The following NXPE3 variants were observed in gnomAD, a reference collection of about 807,000 sequenced individuals.
NXPE3 encodes the protein neurexophilin and PC-esterase domain family member 3.
A neutral mutation model predicts 46.1 loss-of-function variants in NXPE3; 26 were observed. The observed-to-expected ratio is 0.56, with a 90% CI of 0.41 to 0.78. NXPE3 has a LOEUF of 0.78. NXPE3 is among the 30% of genes least tolerant of loss of function. The pLI, the probability that NXPE3 is intolerant of heterozygous loss-of-function variation, is 0.00. For missense variants in NXPE3, 620 were observed against 686.0 expected (o/e 0.90, Z 1.07); for synonymous variants, 272 against 257.9 (o/e 1.05, Z -0.52).
rs773432250 is a variant in NXPE3, at chr3:101,821,998, T to C, written c.*44T>C. 6.4e-7 allele frequency: 1 copy of C among 1,556,440 alleles called. No homozygotes were observed. The highest frequency in any genetic ancestry group is 8.8e-7 in the Non-Finnish European group (1 of 1,138,814). On this transcript the variant is annotated 3_prime_UTR_variant, in exon 8 of 8. Coordinates refer to ENST00000273347, the MANE Select transcript of NXPE3 (RefSeq NM_145037.4). Reference sequence around the variant, plus strand: ...GGAGGAATCATATTCAATGACCTTCTCAATTGACCTGAGTTACAGAAAGTG... The same window carrying C: ...GGAGGAATCATATTCAATGACCTTCCCAATTGACCTGAGTTACAGAAAGTG...
At chr3:101,800,870 T>C (rs1032016031) in intron 4 of NXPE3, among the ~76,000 whole-genome samples, 1 of 152,208 alleles carries the variant, frequency 6.6e-6, no homozygotes, top group South Asian at 2.1e-4. Flanking sequence ...CCTTTACTTT[T>C]TTCTTGGTGT....
Position 101,804,867 on chromosome 3 carries a change from CT to C in NXPE3, c.849-2182del, listed in dbSNP as rs1162524077. On this transcript the variant is annotated intron_variant, in intron 5 of 7. Transcript: ENST00000273347. ...AGATCCTATTAATATAAGGGAAGGC[CT>C]TTTGAAAGAATGGGCTTATCACCTA... Among the ~76,000 whole-genome samples, 9 of 152,170 alleles carry C rather than the reference CT, an allele frequency of 5.9e-5. No homozygotes were observed. In the East Asian group the frequency reaches 1.7e-3, roughly 29 times the overall value.
chr3:101,808,394 T>A (rs901456092), intron 6 of NXPE3, among the ~76,000 whole-genome samples: 10 of 152,088 alleles, frequency 6.6e-5, no homozygotes, highest in Admixed American at 2.6e-4. Context: ...TGCAGGGGCT[T>A]GATATTTAAT....
In NXPE3 at chr3:101,821,975, A is replaced by G. The variant is rs774263330; in HGVS notation, c.*21A>G. 14 of 1,599,754 alleles carry G rather than the reference A, an allele frequency of 8.8e-6. 1 individual carries two copies. The highest frequency in any genetic ancestry group is 1.3e-5 in the African/African-American group (1 of 74,788). On this transcript the variant is annotated 3_prime_UTR_variant, in exon 8 of 8. Coordinates refer to ENST00000273347, the MANE Select transcript of NXPE3 (RefSeq NM_145037.4). ...CCTAGCCTGTCTTGGAAGGGACTGG[A>G]GGAATCATATTCAATGACCTTCTCA...
Position 101,825,557 on chromosome 3 carries a change from T to G in NXPE3, c.*3603T>G, listed in dbSNP as rs1167034228. ...CATCTGAATGCAATGAACATTAGCA[T>G]TTAGGTATATTTTCTTGCAGGTTTT... On this transcript the variant is annotated 3_prime_UTR_variant, in exon 8 of 8. Coordinates refer to ENST00000273347, the MANE Select transcript of NXPE3 (RefSeq NM_145037.4). The G allele has an allele frequency of 6.6e-6, 1 of 152,172 alleles. No individual in the cohort carries two copies. The highest frequency in any genetic ancestry group is 1.9e-4 in the East Asian group (1 of 5,202). The allele number at this position is 152,172 out of a possible 1,614,324, so 9.4% of individuals were successfully genotyped here.
chr3:101,809,732 A>G (rs1475661256), intron 6 of NXPE3, among the ~76,000 whole-genome samples: 1 of 152,122 alleles, frequency 6.6e-6, no homozygotes, highest in African/African-American at 2.4e-5. Flanking sequence ...ATTTGCTTTT[A>G]TTTTTGCTCA....
rs1942443433 is a variant in NXPE3, at chr3:101,825,253, C to G, written c.*3299C>G. 6.6e-6 allele frequency: 1 copy of G among 152,164 alleles called. No homozygotes were observed. Among genetic ancestry groups the G allele is most frequent in the Non-Finnish European group, 1.5e-5 (1 of 68,038 alleles). 9.4% of individuals were successfully genotyped at this position (152,164 alleles called of 1,614,324 possible). A position where few individuals can be genotyped will look rare whatever the true frequency, so the allele number is the denominator to read the frequency against. On this transcript the variant is annotated 3_prime_UTR_variant, in exon 8 of 8. Transcript: ENST00000273347. ...CTCACTTATCAGTGAGAACAACTTT[C>G]ATCCCACATCTAATTTGTCTTTCTT...
At chr3:101,807,389 T>G (rs1185526524) in intron 6 of NXPE3, among the ~76,000 whole-genome samples, 2 of 152,088 alleles carry the variant, frequency 1.3e-5, no homozygotes, top group African/African-American at 4.8e-5. Flanking sequence ...GCGCAATCTT[T>G]ACTCACTGCA....
chr3:101,784,836 G>A (rs919330176), intron 3 of NXPE3, among the ~76,000 whole-genome samples: 1 of 152,148 alleles, frequency 6.6e-6, no homozygotes, highest in African/African-American at 2.4e-5. Context: ...ATGTAGCTGA[G>A]GGAGCATCAG....
At chr3:101,799,091 C>T (rs866270517) in intron 4 of NXPE3, among the ~76,000 whole-genome samples, 9 of 151,992 alleles carry the variant, frequency 5.9e-5, no homozygotes, top group African/African-American at 1.4e-4. Context: ...TATGCCACCA[C>T]GCTTGGCTAA....
Position 101,806,198 on chromosome 3 carries a change from G to A in NXPE3, c.849-855G>A, listed in dbSNP as rs1048446680. On this transcript the variant is annotated intron_variant, in intron 5 of 7. Transcript: ENST00000273347. ...ATTTGTTGAATAAACAGTTTTTTCTGAAATTGATGAAATAATAAAAAATGA... is the reference window on the plus strand; with the variant it reads ...ATTTGTTGAATAAACAGTTTTTTCTAAAATTGATGAAATAATAAAAAATGA... Among the ~76,000 whole-genome samples the A allele has an allele frequency of 3.3e-5, 5 of 152,232 alleles. No homozygotes were observed. The East Asian group carries it at 7.7e-4, about 23-fold the overall frequency.
intron 4 of NXPE3, among the ~76,000 whole-genome samples, chr3:101,793,002 G>T (rs1169333513): frequency 1.3e-5 from 2 of 152,068 alleles, no homozygotes; most frequent in Non-Finnish European, 2.9e-5. Flanking sequence ...CTGTATTCAT[G>T]AGTATTTTAT....
chr3:101,798,602 A>ATT lies in NXPE3; in HGVS notation c.94-2620_94-2619dup, dbSNP rs1185080144. Among the ~76,000 whole-genome samples, 902 of 141,696 alleles carry ATT rather than the reference A, an allele frequency of 6.4e-3. 9 individuals carry two copies. Among genetic ancestry groups the ATT allele is most frequent in the African/African-American group, 0.014 (554 of 38,596 alleles). 93.0% of individuals were successfully genotyped at this position (141,696 alleles called of 152,430 possible). ...TATGTGTGTCTATATATATATATATATTTTTTTTTTTTTTCTTTTAAAGTT... is the reference window on the plus strand; with the variant it reads ...TATGTGTGTCTATATATATATATATATTTTTTTTTTTTTTTTCTTTTAAAGTT... On this transcript the variant is annotated intron_variant, in intron 4 of 7. Transcript: ENST00000273347.
Position 101,785,702 on chromosome 3 carries a change from T to A in NXPE3, c.93+13T>A. 5.6e-6 allele frequency: 9 copies of A among 1,605,090 alleles called. No homozygotes were observed. The highest frequency in any genetic ancestry group is 6.8e-6 in the Non-Finnish European group (8 of 1,171,920). ...TACTCAGGTAGAGGTGAGTACCCAG[T>A]ATAATCCCTCATAACTAAGGGAGCC... is the stretch of plus-strand genomic sequence containing the variant. On this transcript the variant is annotated intron_variant, in intron 4 of 7. Transcript: ENST00000273347.
intron 4 of NXPE3, among the ~76,000 whole-genome samples, chr3:101,793,267 G>C (rs1018398794): frequency 1.3e-4 from 20 of 152,058 alleles, no homozygotes; most frequent in African/African-American, 4.6e-4. Flanking sequence ...TCTTTCTCTT[G>C]CCTGATCCTC....
Position 101,785,541 on chromosome 3 carries a change from T to G in NXPE3, c.-56T>G, listed in dbSNP as rs1349671926. 2.0e-6 allele frequency: 3 copies of G among 1,480,382 alleles called. No homozygotes were observed. Among genetic ancestry groups the G allele is most frequent in the Non-Finnish European group, 2.8e-6 (3 of 1,058,306 alleles). 91.7% of individuals were successfully genotyped at this position (1,480,382 alleles called of 1,614,324 possible). On this transcript the variant is annotated 5_prime_UTR_variant, in exon 4 of 8. Transcript: ENST00000273347. Reference sequence around the variant, plus strand: ...CTCAGAAAAGCAAAGACATGGAATTTTAAAGAGTGAAGGTAGCATGGTGTC... The same window carrying G: ...CTCAGAAAAGCAAAGACATGGAATTGTAAAGAGTGAAGGTAGCATGGTGTC...
chr3:101,779,381 C>CG (rs1466487535), intron 1 of NXPE3, 57 bp downstream of exon 1: 1 of 152,542 alleles, frequency 6.6e-6, no homozygotes, highest in Non-Finnish European at 1.5e-5. Flanking sequence ...GCGGGCGGAG[C>CG]GACCCATTGC....
intron 5 of NXPE3, 23 bp from the exon 6 acceptor site, chr3:101,807,030 G>A: frequency 6.4e-7 from 1 of 1,557,008 alleles, no homozygotes; most frequent in Non-Finnish European, 8.9e-7. Context: ...ACCTGAGCTT[G>A]TGCTTTTTTA....
intron 5 of NXPE3, among the ~76,000 whole-genome samples, chr3:101,804,854 T>C (rs1414772583): frequency 6.6e-6 from 1 of 152,218 alleles, no homozygotes; most frequent in African/African-American, 2.4e-5. Context: ...ATCCTATTAA[T>C]ATAAGGGAAG....
Sources: gnomAD v4.1 joint callset for allele counts (sites outside exome capture counted in the v4.1 genomes callset) on GRCh38, gnomAD v4.1.1 for gene constraint, MANE v1.5 for transcripts, NCBI Gene and HGNC (gene_info 2026-07-23, HGNC 2026-07-21) for gene names.